The following PRKCA variants were observed in gnomAD, a reference collection of about 807,000 sequenced individuals.
PRKCA encodes protein kinase C alpha.
A neutral mutation model predicts 87.0 loss-of-function variants in PRKCA; 27 were observed. That is an observed-to-expected ratio of 0.31 (90% CI 0.23 to 0.43). PRKCA has a LOEUF of 0.43. Among genes scored for constraint, PRKCA ranks in the 20% least tolerant of loss-of-function variants. The probability of loss-of-function intolerance (pLI) is 1.00; values close to 1 mark genes in which losing one functional copy is unlikely to be tolerated. For synonymous variants in PRKCA, 329 were observed against 311.1 expected, an observed-to-expected ratio of 1.06 and a Z score of -0.61; for missense variants, 518 against 852.3, an observed-to-expected ratio of 0.61 and a Z score of 4.88.
At chr17:66,477,311 C>G (rs1431135379) in intron 2 of PRKCA, among the ~76,000 whole-genome samples, 1 of 152,168 alleles carries the variant, frequency 6.6e-6, no homozygotes, top group South Asian at 2.1e-4. Flanking sequence ...GCATGTAGTT[C>G]TTCAAATGTT....
intron 3 of PRKCA, among the ~76,000 whole-genome samples, chr17:66,552,025 C>G (rs1246696978): frequency 2.6e-5 from 4 of 152,140 alleles, no homozygotes; most frequent in African/African-American, 9.7e-5. Flanking sequence ...TGGCCAGGCA[C>G]AATGACTCAT....
chr17:66,355,808 A>G (rs931315694), intron 2 of PRKCA, among the ~76,000 whole-genome samples: 5 of 152,234 alleles, frequency 3.3e-5, no homozygotes, highest in Non-Finnish European at 5.9e-5. Context: ...ATCCTTTCAA[A>G]TCATTGCTTA....
intron 8 of PRKCA, among the ~76,000 whole-genome samples, chr17:66,710,524 G>T (rs1169019869): frequency 3.3e-5 from 5 of 152,172 alleles, no homozygotes; most frequent in African/African-American, 1.2e-4. Flanking sequence ...CACTTGCCTT[G>T]GTTTTTGTGG....
intron 5 of PRKCA, among the ~76,000 whole-genome samples, chr17:66,673,394 A>G (rs901102198): frequency 6.6e-6 from 1 of 152,214 alleles, no homozygotes; most frequent in African/African-American, 2.4e-5. Context: ...AATATTCACT[A>G]AATAGGTTCC....
chr17:66,535,921 G>T (rs374236347), intron 3 of PRKCA, among the ~76,000 whole-genome samples: 2 of 152,158 alleles, frequency 1.3e-5, no homozygotes, highest in Admixed American at 6.5e-5. Flanking sequence ...CATCAAAACA[G>T]CATCATGCCT....
At chr17:66,421,963 T>G (rs1598658904) in intron 2 of PRKCA, among the ~76,000 whole-genome samples, 1 of 152,128 alleles carries the variant, frequency 6.6e-6, no homozygotes, top group Non-Finnish European at 1.5e-5. Context: ...TTCACAATTC[T>G]GGTGGCTAGA....
chr17:66,316,759 G>T (rs1047314531), intron 2 of PRKCA, among the ~76,000 whole-genome samples: 2 of 151,956 alleles, frequency 1.3e-5, no homozygotes, highest in Admixed American at 6.6e-5. Context: ...GGGTCTTACC[G>T]CATGGAAATT....
chr17:66,591,045 G>A (rs1969789035), intron 3 of PRKCA, among the ~76,000 whole-genome samples: 1 of 152,180 alleles, frequency 6.6e-6, no homozygotes, highest in African/African-American at 2.4e-5. Context: ...TCAGACAAGT[G>A]ACTCAACCCC....
chr17:66,530,535 ACT>A (rs1472649135), intron 3 of PRKCA, among the ~76,000 whole-genome samples: 1 of 151,844 alleles, frequency 6.6e-6, no homozygotes, highest in Non-Finnish European at 1.5e-5. Context: ...CCTCAGCTTG[ACT>A]CTCAGTTTTC....
At chr17:66,356,903 C>G (rs1382481848) in intron 2 of PRKCA, among the ~76,000 whole-genome samples, 2 of 152,146 alleles carry the variant, frequency 1.3e-5, no homozygotes, top group East Asian at 3.9e-4. Context: ...TACAGCCACA[C>G]CACCATGCCC....
rs534367057 is a variant in PRKCA, at chr17:66,684,646, A to G, written c.530-2465A>G. Among the ~76,000 whole-genome samples, 6 of 152,344 alleles carry G rather than the reference A, an allele frequency of 3.9e-5. No homozygotes were observed. The East Asian group carries it at 1.2e-3, about 29-fold the overall frequency. On this transcript the variant is annotated intron_variant, in intron 5 of 16. Transcript: ENST00000413366. ...CCCATCAAGATTTTAACTCATCACC[A>G]TTCCGAAGAGATCTTACTTAAATGA...
chr17:66,730,390 G>T (rs1881189023), intron 8 of PRKCA, among the ~76,000 whole-genome samples: 9 of 152,186 alleles, frequency 5.9e-5, no homozygotes, highest in Admixed American at 5.9e-4. Context: ...TAAGAGGGTG[G>T]CTACTCCATA....
At chr17:66,445,435 G>A (rs566407745) in intron 2 of PRKCA, among the ~76,000 whole-genome samples, 10 of 152,346 alleles carry the variant, frequency 6.6e-5, no homozygotes, top group Admixed American at 3.3e-4. Context: ...GAATTACCTC[G>A]GAGTAGAAGG....
intron 8 of PRKCA, among the ~76,000 whole-genome samples, chr17:66,712,331 C>T (rs886121426): frequency 6.6e-6 from 1 of 152,190 alleles, no homozygotes; most frequent in African/African-American, 2.4e-5. Context: ...GGGACCCAAA[C>T]CTCTCCCACT....
chr17:66,735,793 G>GGTCCCC, intron 10 of PRKCA, 131 bp downstream of exon 10: 1 of 1,047,000 alleles, frequency 9.6e-7, no homozygotes, highest in Non-Finnish European at 1.4e-6. Context: ...AAGCAGAGGT[G>GGTCCCC]ACTGGGGACC....
At chr17:66,778,532 A>G (rs931745904) in intron 14 of PRKCA, among the ~76,000 whole-genome samples, 3 of 152,050 alleles carry the variant, frequency 2.0e-5, no homozygotes, top group African/African-American at 7.2e-5. Context: ...ATAAAAGAAA[A>G]AAAGAAAACG....
intron 3 of PRKCA, among the ~76,000 whole-genome samples, chr17:66,610,974 T>C (rs1970345790): frequency 6.6e-6 from 1 of 151,416 alleles, no homozygotes; most frequent in Non-Finnish European, 1.5e-5. Context: ...AACAAGGACA[T>C]TACAAGTTAA....
chr17:66,545,523 TCACATCATGCATTCC>T (rs1390335124), intron 3 of PRKCA, among the ~76,000 whole-genome samples: 2 of 152,158 alleles, frequency 1.3e-5, no homozygotes, highest in East Asian at 3.9e-4. Context: ...TAATCCTACA[TCACATCATGCATTCC>T]TGAGTGTGAG....
At chr17:66,787,287 C>A (rs1975424292) in intron 15 of PRKCA, 3 of 460,048 alleles carry the variant, frequency 6.5e-6, no homozygotes, top group Non-Finnish European at 1.3e-5. Context: ...ATGCAGTGTT[C>A]CACTGTGTGA....
Sources: allele counts gnomAD v4.1 joint callset (sites outside exome capture counted in the v4.1 genomes callset), GRCh38; gene constraint gnomAD v4.1.1; transcripts MANE v1.5; gene names NCBI Gene and HGNC (gene_info 2026-07-23, HGNC 2026-07-21).